OR2C1: variants seen among roughly 807,000 people sequenced by gnomAD.
OR2C1 encodes the protein olfactory receptor 2C1.
For missense variants in OR2C1, 468 were observed against 388.3 expected (o/e 1.21, Z -1.73); for synonymous variants, 209 against 167.3 (o/e 1.25, Z -1.92).
At chr16:3,354,870 T>C (rs1450202891), upstream of OR2C1, among the ~76,000 whole-genome samples, 3 of 152,080 alleles carry the variant, frequency 2.0e-5, no homozygotes, top group African/African-American at 7.2e-5. Context: ...GCTCAAGAGA[T>C]CCTCCCACCT....
At chr16:3,340,288 G>C in the OR2C1 span, among the ~76,000 whole-genome samples, 1 of 140,754 alleles carries the variant, frequency 7.1e-6, no homozygotes, top group African/African-American at 2.6e-5. Context: ...CAAAAAAAAA[G>C]AGAGAGAAAG....
chr16:3,336,722 T>TTTC, the OR2C1 span, among the ~76,000 whole-genome samples: 1 of 145,678 alleles, frequency 6.9e-6, no homozygotes. Context: ...CTTTTTTTTT[T>TTTC]TTTGAGACAG....
upstream of OR2C1, among the ~76,000 whole-genome samples, chr16:3,353,383 T>C (rs531174634): frequency 6.7e-6 from 1 of 148,876 alleles, no homozygotes. Context: ...CCCAGCTACT[T>C]GAGAGGCTGA....
chr16:3,335,403 G>C, the OR2C1 span, among the ~76,000 whole-genome samples: 1 of 151,480 alleles, frequency 6.6e-6, no homozygotes, highest in African/African-American at 2.4e-5. Flanking sequence ...TTACTTGTTT[G>C]GTTAAATTGA....
the OR2C1 span, among the ~76,000 whole-genome samples, chr16:3,327,211 C>T: frequency 1.3e-5 from 2 of 152,028 alleles, no homozygotes; most frequent in Non-Finnish European, 2.9e-5. Flanking sequence ...AACATTTTGC[C>T]AATCTTGTTT....
chr16:3,357,028 G>A lies in OR2C1; in HGVS notation c.*149G>A, dbSNP rs1372733523. On this transcript the variant is annotated 3_prime_UTR_variant, in exon 1 of 1. Transcript: ENST00000304936. ...CTAAGCTGACAGCCCTAAGCTGTTGGGAACATGGTTAGTGTTATTCGTAAT... is the reference window on the plus strand; with the variant it reads ...CTAAGCTGACAGCCCTAAGCTGTTGAGAACATGGTTAGTGTTATTCGTAAT... The A allele has an allele frequency of 7.3e-6, 5 of 680,818 alleles. No homozygotes were observed. The highest frequency in any genetic ancestry group is 1.3e-5 in the Non-Finnish European group (5 of 399,540). The allele number at this position is 680,818 out of a possible 1,614,324, so 42.2% of individuals were successfully genotyped here.
chr16:3,353,171 T>A (rs931082068), upstream of OR2C1, among the ~76,000 whole-genome samples: 14 of 148,454 alleles, frequency 9.4e-5, no homozygotes, highest in Non-Finnish European at 6.0e-5. Context: ...GTAACTCAGT[T>A]CCTCAGCTCT....
the OR2C1 span, among the ~76,000 whole-genome samples, chr16:3,326,962 T>G: frequency 6.6e-6 from 1 of 152,182 alleles, no homozygotes; most frequent in Non-Finnish European, 1.5e-5. Context: ...TTCAGCTACG[T>G]GAATCTATAC....
the OR2C1 span, chr16:3,324,040 T>A: frequency 9.7e-6 from 4 of 413,640 alleles, no homozygotes; most frequent in Non-Finnish European, 1.3e-5. Flanking sequence ...ATCAACTGAA[T>A]GATTTCAAAG....
chr16:3,325,542 T>C, the OR2C1 span, among the ~76,000 whole-genome samples: 106 of 147,654 alleles, frequency 7.2e-4, 2 homozygotes, highest in African/African-American at 2.5e-3. Context: ...ATGAAGTGAG[T>C]GTGTGCTGTT....
chr16:3,355,234 T>G (rs919331430), upstream of OR2C1, among the ~76,000 whole-genome samples: 2 of 149,240 alleles, frequency 1.3e-5, no homozygotes, highest in Non-Finnish European at 3.0e-5. Context: ...AGGCTGAGGC[T>G]GGCATATCAC....
rs761256366 is a variant in OR2C1 at position 3,356,163 on chromosome 16, A to G, written c.223A>G (p.Thr75Ala). The part of the protein sequence containing the change: ...NLSSLDLAFA[T>A]SSVPQMLINL... ...CTCCTCCTTGGACCTTGCTTTCGCT[A>G]CTAGTTCAGTCCCCCAAATGCTGAT... The change falls in exon 1 of 1, where the codon ACT becomes GCT. Residue 75 changes from threonine (T) to alanine (A), a missense_variant. Thr to Ala is a moderately conservative substitution (Grantham distance 58). Transcript: ENST00000304936. The G allele has an allele frequency of 6.2e-6, 10 of 1,614,092 alleles. No homozygotes were observed. The South Asian group carries it at 9.9e-5, about 16-fold the overall frequency.
At chr16:3,324,409 C>T in the OR2C1 span, among the ~76,000 whole-genome samples, 2 of 152,052 alleles carry the variant, frequency 1.3e-5, no homozygotes, top group Admixed American at 1.3e-4. Flanking sequence ...AGGCTGGTCT[C>T]GAACTCCTGA....
the OR2C1 span, among the ~76,000 whole-genome samples, chr16:3,339,938 A>G: frequency 1.1e-4 from 17 of 152,030 alleles, no homozygotes; most frequent in South Asian, 2.1e-4. Flanking sequence ...CTTTTGGGCC[A>G]TGTCTCTTCT....
At chr16:3,332,282 G>T in the OR2C1 span, among the ~76,000 whole-genome samples, 1 of 151,108 alleles carries the variant, frequency 6.6e-6, no homozygotes, top group African/African-American at 2.4e-5. Context: ...TTTTTGTAGA[G>T]ACAGGGTCTT....
At chr16:3,348,341 A>G in the OR2C1 span, among the ~76,000 whole-genome samples, 1 of 152,200 alleles carries the variant, frequency 6.6e-6, no homozygotes, top group Non-Finnish European at 1.5e-5. Flanking sequence ...TCCCCTACTG[A>G]TAGACAATGA....
At chr16:3,343,994 G>A in the OR2C1 span, among the ~76,000 whole-genome samples, 2 of 152,090 alleles carry the variant, frequency 1.3e-5, no homozygotes, top group African/African-American at 4.8e-5. Flanking sequence ...CAATGTGGGG[G>A]GATCACTTGA....
At chr16:3,346,624 CTTT>C in the OR2C1 span, among the ~76,000 whole-genome samples, 1 of 128,060 alleles carries the variant, frequency 7.8e-6, no homozygotes, top group Non-Finnish European at 1.6e-5. Context: ...GTCCATGCAT[CTTT>C]TTTTTTTTTT....
chr16:3,344,054 A>G, the OR2C1 span, among the ~76,000 whole-genome samples: 1 of 152,088 alleles, frequency 6.6e-6, no homozygotes, highest in African/African-American at 2.4e-5. Flanking sequence ...CCCCATCACT[A>G]CTTAAAATAC....
Sources: gnomAD v4.1 joint callset for allele counts (sites outside exome capture counted in the v4.1 genomes callset) on GRCh38, gnomAD v4.1.1 for gene constraint, MANE v1.5 for transcripts, NCBI Gene and HGNC (gene_info 2026-07-23, HGNC 2026-07-21) for gene names.